The following DAPK1 variants were observed in gnomAD, a reference collection of about 807,000 sequenced individuals.
The protein encoded by DAPK1 is death associated protein kinase 1, also known as death-associated protein kinase 1.
Under a neutral mutation model 144.9 loss-of-function variants are expected in DAPK1, and 56 were observed. The observed-to-expected ratio is 0.39, with a 90% CI of 0.31 to 0.48. DAPK1 has a LOEUF of 0.48. DAPK1 is among the 20% of genes least tolerant of loss of function. The pLI, the probability that DAPK1 is intolerant of heterozygous loss-of-function variation, is 0.95. For synonymous variants in DAPK1, 690 were observed against 749.0 expected, an observed-to-expected ratio of 0.92 and a Z score of 1.29; for missense variants, 1,454 against 1,875.4, an observed-to-expected ratio of 0.78 and a Z score of 4.15.
At chr9:87,673,150 C>T (rs565247889) in intron 19 of DAPK1, among the ~76,000 whole-genome samples, 1 of 152,204 alleles carries the variant, frequency 6.6e-6, no homozygotes, top group Admixed American at 6.5e-5. Context: ...GCTAGCATTC[C>T]CTACAGCCAT....
At chr9:87,565,756 G>A (rs1273590532) in intron 2 of DAPK1, among the ~76,000 whole-genome samples, 1 of 152,044 alleles carries the variant, frequency 6.6e-6, no homozygotes, top group Non-Finnish European at 1.5e-5. Flanking sequence ...TGTTTCCACT[G>A]CTACTATCAT....
chr9:87,591,590 C>G (rs1056972276), intron 2 of DAPK1, among the ~76,000 whole-genome samples: 32 of 152,102 alleles, frequency 2.1e-4, no homozygotes, highest in Non-Finnish European at 1.2e-4. Context: ...CAGAAAGAAT[C>G]CTATATACCA....
chr9:87,513,541 A>G (rs1486116420), intron 2 of DAPK1, among the ~76,000 whole-genome samples: 1 of 152,210 alleles, frequency 6.6e-6, no homozygotes, highest in Non-Finnish European at 1.5e-5. Flanking sequence ...AATGGGGACA[A>G]GGAAACTAAG....
chr9:87,639,066 A>G (rs2119127867), intron 4 of DAPK1, among the ~76,000 whole-genome samples: 1 of 152,250 alleles, frequency 6.6e-6, no homozygotes, highest in South Asian at 2.1e-4. Flanking sequence ...CCCCCACTTG[A>G]TAGGACACCT....
Position 87,620,867 on chromosome 9 carries a change from A to G in DAPK1, c.284+15692A>G, listed in dbSNP as rs182568551. ...TGCCAGTTATAATTACCCAGGCTGAAGAGATGCCTGGAGGCCCCTGCTTTT... is the reference window on the plus strand; with the variant it reads ...TGCCAGTTATAATTACCCAGGCTGAGGAGATGCCTGGAGGCCCCTGCTTTT... On this transcript the variant is annotated intron_variant, in intron 3 of 25. Coordinates refer to ENST00000408954, the MANE Select transcript of DAPK1 (RefSeq NM_004938.4). 5.3e-5 allele frequency among the ~76,000 whole-genome samples: 8 copies of G among 152,272 alleles called. No individual in the cohort carries two copies. The East Asian group carries it at 9.7e-4, about 18-fold the overall frequency.
At chr9:87,624,702 T>A (rs1329239349) in intron 3 of DAPK1, among the ~76,000 whole-genome samples, 1 of 152,096 alleles carries the variant, frequency 6.6e-6, no homozygotes, top group Non-Finnish European at 1.5e-5. Flanking sequence ...AGCACCCGAC[T>A]GACCTCGAGT....
At chr9:87,533,913 A>G (rs112512220) in intron 2 of DAPK1, among the ~76,000 whole-genome samples, 6,205 of 152,208 alleles carry the variant, frequency 0.041, 178 homozygotes, top group Middle Eastern at 0.085. Flanking sequence ...TCCGCCCACC[A>G]TGGCCTCCCA....
rs964746691 is a variant in DAPK1, at chr9:87,511,653, G to A, written c.62+12514G>A. ...AGTGTGCTTCAGTTCCTGAAAGGTAGATTTTCTTTTTCTTTTGTGTGTGTG... is the reference window on the plus strand; with the variant it reads ...AGTGTGCTTCAGTTCCTGAAAGGTAAATTTTCTTTTTCTTTTGTGTGTGTG... On this transcript the variant is annotated intron_variant, in intron 2 of 25. Coordinates refer to ENST00000408954, the MANE Select transcript of DAPK1 (RefSeq NM_004938.4). Among the ~76,000 whole-genome samples the A allele has an allele frequency of 1.3e-4, 18 of 133,684 alleles. No homozygotes were observed. The Admixed American group carries it at 1.4e-3, about 10-fold the overall frequency. The allele number at this position is 133,684 out of a possible 152,430, so 87.7% of individuals were successfully genotyped here. A position where few individuals can be genotyped will look rare whatever the true frequency, so the allele number is the denominator to read the frequency against.
At chr9:87,592,472 T>C (rs1828173009) in intron 2 of DAPK1, among the ~76,000 whole-genome samples, 1 of 152,254 alleles carries the variant, frequency 6.6e-6, no homozygotes, top group African/African-American at 2.4e-5. Flanking sequence ...TCATTGGGTT[T>C]ACAATCCCTG....
At chr9:87,672,444 G>C (rs575927795) in intron 19 of DAPK1, among the ~76,000 whole-genome samples, 7 of 152,274 alleles carry the variant, frequency 4.6e-5, no homozygotes, top group Admixed American at 3.3e-4. Context: ...GGCTCGGGGG[G>C]CTCCAGGGCA....
chr9:87,657,607 C>G (rs1456495796), intron 17 of DAPK1: 1 of 211,894 alleles, frequency 4.7e-6, no homozygotes, highest in Admixed American at 5.3e-5. Flanking sequence ...AATTTGGGAA[C>G]CATAGGCACA....
chr9:87,682,411 A>C (rs1468173105), intron 20 of DAPK1, among the ~76,000 whole-genome samples: 1 of 152,146 alleles, frequency 6.6e-6, no homozygotes, highest in Non-Finnish European at 1.5e-5. Flanking sequence ...AGTTTCCTAA[A>C]CCAGGACAGT....
chr9:87,640,514 G>T, intron 8 of DAPK1, 64 bp downstream of exon 8: 3 of 1,550,904 alleles, frequency 1.9e-6, no homozygotes, highest in Non-Finnish European at 2.6e-6. Flanking sequence ...GCCTGTGTCT[G>T]TTCCATGCAC....
chr9:87,513,408 A>C (rs1001411460), intron 2 of DAPK1, among the ~76,000 whole-genome samples: 2 of 152,204 alleles, frequency 1.3e-5, no homozygotes, highest in African/African-American at 4.8e-5. Context: ...TGGAGGTTTC[A>C]TTCCTTCATT....
chr9:87,646,148 TCTG>T, intron 12 of DAPK1, 134 bp downstream of exon 12: 1 of 1,119,528 alleles, frequency 8.9e-7, no homozygotes, highest in Non-Finnish European at 1.3e-6. Flanking sequence ...GAAAATCACT[TCTG>T]TTTAGAAAGT....
intron 2 of DAPK1, among the ~76,000 whole-genome samples, chr9:87,513,910 GCTGT>G (rs540106290): frequency 3.2e-4 from 49 of 152,200 alleles, no homozygotes; most frequent in Non-Finnish European, 5.9e-4. Context: ...TGTTGTGGGG[GCTGT>G]CTTGTGCATT....
In DAPK1 at chr9:87,686,168, G is replaced by T. The variant is rs1342707519; in HGVS notation, c.2225-383G>T. 1.3e-5 allele frequency among the ~76,000 whole-genome samples: 2 copies of T among 152,184 alleles called. No individual in the cohort carries two copies. The highest frequency in any genetic ancestry group is 2.9e-5 in the Non-Finnish European group (2 of 68,034). On this transcript the variant is annotated intron_variant, in intron 20 of 25. Transcript: ENST00000408954. The surrounding 1 kb of genome is among the most constrained non-coding windows in gnomAD (Gnocchi z 4.2). Reference sequence around the variant, plus strand: ...GGAGCTGGAGGAAGACAGAGACTGCGAGTATCAGCAAAGTAGCAGGAAGTG... The same window carrying T: ...GGAGCTGGAGGAAGACAGAGACTGCTAGTATCAGCAAAGTAGCAGGAAGTG...
At chr9:87,568,755 G>T (rs1827224868) in intron 2 of DAPK1, among the ~76,000 whole-genome samples, 2 of 152,210 alleles carry the variant, frequency 1.3e-5, no homozygotes, top group African/African-American at 2.4e-5. Context: ...TGCAGAGTGG[G>T]TAATGGGTCT....
intron 2 of DAPK1, among the ~76,000 whole-genome samples, chr9:87,577,424 T>TA (rs1800252506): frequency 6.6e-6 from 1 of 152,126 alleles, no homozygotes; most frequent in Admixed American, 6.5e-5. Context: ...CATTTTAAAA[T>TA]ACGAAAGCCA....
Sources: gnomAD v4.1 joint callset for allele counts (sites outside exome capture counted in the v4.1 genomes callset) on GRCh38, gnomAD v4.1.1 for gene constraint, Gnocchi (gnomAD v3.1) non-coding constraint, MANE v1.5 for transcripts, NCBI Gene and HGNC (gene_info 2026-07-23, HGNC 2026-07-21) for gene names.